Variants in CEP152 observed in about 807,000 individuals in gnomAD.
The protein encoded by CEP152 is centrosomal protein 152.
A neutral mutation model predicts 188.9 loss-of-function variants in CEP152; 132 were observed. The ratio of observed to expected loss-of-function variants is 0.70; its 90% confidence interval spans 0.61 to 0.81. CEP152 has a LOEUF of 0.81. Among genes scored for constraint, CEP152 ranks in the 30% least tolerant of loss-of-function variants. The probability of loss-of-function intolerance (pLI) is 0.00; values close to 1 mark genes in which losing one functional copy is unlikely to be tolerated. For missense variants in CEP152, 1,914 were observed against 1,969.8 expected (o/e 0.97, Z 0.54); for synonymous variants, 649 against 666.6 (o/e 0.97, Z 0.41).
Position 48,782,122 on chromosome 15 carries a change from C to T in CEP152, c.1413+17G>A. The T allele has an allele frequency of 6.2e-7, 1 of 1,608,352 alleles. No individual in the cohort carries two copies. Among genetic ancestry groups the T allele is most frequent in the Non-Finnish European group, 8.5e-7 (1 of 1,175,044 alleles). On this transcript the variant is annotated intron_variant, in intron 11 of 26. Coordinates refer to ENST00000380950, the MANE Select transcript of CEP152 (RefSeq NM_001194998.2). ...ATTCAGATACCCATAGAGCCTCTTC[C>T]AAGTGGCAACACTCACTTGCAAAGC...
intron 12 of CEP152, chr15:48,773,231 C>T (rs749995376): frequency 6.4e-6 from 1 of 155,908 alleles, no homozygotes; most frequent in African/African-American, 2.4e-5. Flanking sequence ...TGCTTCCTTG[C>T]CGTAATGAAT....
chr15:48,748,340 C>T lies in CEP152; in HGVS notation c.3634+103G>A, dbSNP rs1004181342. 6 of 1,302,760 alleles carry T rather than the reference C, an allele frequency of 4.6e-6. No individual in the cohort carries two copies. In the Middle Eastern group the frequency reaches 7.1e-4, roughly 154 times the overall value. The allele number at this position is 1,302,760 out of a possible 1,614,324, so 80.7% of individuals were successfully genotyped here. ...GATCCAAATTAGTTTATATTAATCC[C>T]AAAAGAGGATCAGTGCACACATTAA... On this transcript the variant is annotated intron_variant, in intron 22 of 26. Coordinates refer to ENST00000380950, the MANE Select transcript of CEP152 (RefSeq NM_001194998.2).
chr15:48,776,329 C>T (rs1895900547), intron 12 of CEP152, among the ~76,000 whole-genome samples: 1 of 152,064 alleles, frequency 6.6e-6, no homozygotes, highest in Admixed American at 6.5e-5. Flanking sequence ...AAAACAGTGA[C>T]AGATCTAACT....
In CEP152 at chr15:48,738,301, A is replaced by G; in HGVS notation, c.5081T>C (p.Leu1694Pro). 1 of 1,614,076 alleles carries G rather than the reference A, an allele frequency of 6.2e-7. No individual in the cohort carries two copies. ...AAAGCCACTATCTTGTTGGCTAGAT[A>G]GCGGAACAATTAATTTTCTTGAAGG... ...QQPSRKLIVPLSSQQDSGFDS... is the reference protein window; with the variant it reads ...QQPSRKLIVPPSSQQDSGFDS... Residue 1694 changes from leucine to proline, a missense_variant, in exon 27 of 27, where the codon CTA becomes CCA. By Grantham distance (98) the Leu-to-Pro change is moderately conservative. Transcript: ENST00000380950.
At chr15:48,764,777 C>G (rs1000602937) in intron 17 of CEP152, among the ~76,000 whole-genome samples, 1 of 152,132 alleles carries the variant, frequency 6.6e-6, no homozygotes, top group African/African-American at 2.4e-5. Context: ...CCTGACTCAG[C>G]AAGTGTTTCA....
chr15:48,733,702 A>C (rs1157082979), downstream of CEP152, among the ~76,000 whole-genome samples: 1 of 152,232 alleles, frequency 6.6e-6, no homozygotes, highest in Non-Finnish European at 1.5e-5. Context: ...ACACAAATTC[A>C]GACCTAGACA....
intron 2 of CEP152, among the ~76,000 whole-genome samples, chr15:48,731,123 G>A (rs1250245210): frequency 6.6e-6 from 1 of 152,170 alleles, no homozygotes; most frequent in African/African-American, 2.4e-5. Flanking sequence ...AATAGAAGGG[G>A]GCTGTCAGGG....
chr15:48,750,891 A>T (rs902479870), intron 21 of CEP152, among the ~76,000 whole-genome samples: 2 of 152,210 alleles, frequency 1.3e-5, no homozygotes, highest in African/African-American at 2.4e-5. Flanking sequence ...GAGAGGTTGC[A>T]GGCATAGAAC....
chr15:48,779,956 C>T (rs1170899893), intron 12 of CEP152, among the ~76,000 whole-genome samples: 1 of 152,204 alleles, frequency 6.6e-6, no homozygotes, highest in Non-Finnish European at 1.5e-5. Context: ...ATGTGTAGAG[C>T]TATTTGCTGT....
rs149887404 is a variant in CEP152 at position 48,800,052 on chromosome 15, C to A, written c.88-2001G>T. 2.6e-5 allele frequency among the ~76,000 whole-genome samples: 4 copies of A among 152,274 alleles called. No individual in the cohort carries two copies. In the East Asian group the frequency reaches 7.7e-4, roughly 29 times the overall value. On this transcript the variant is annotated intron_variant, in intron 2 of 26. Coordinates refer to ENST00000380950, the MANE Select transcript of CEP152 (RefSeq NM_001194998.2). The stretch of plus-strand genomic sequence containing the variant: ...CCTTGACAGGGACATCTGAAGAGTA[C>A]ATTGTTTTCCCCGCACAAAAACAAA...
chr15:48,733,489 C>T (rs2140527787), downstream of CEP152, among the ~76,000 whole-genome samples: 1 of 152,046 alleles, frequency 6.6e-6, no homozygotes, highest in African/African-American at 2.4e-5. Flanking sequence ...ATATGAAAAA[C>T]AATAATGATT....
At chr15:48,789,171 G>A (rs1041968509) in intron 8 of CEP152, 170 bp from the exon 9 acceptor site, 5 of 653,786 alleles carry the variant, frequency 7.6e-6, no homozygotes, top group Non-Finnish European at 1.3e-5. Flanking sequence ...AACAACCCTA[G>A]CTGGGACCCT....
intron 3 of CEP152, 66 bp downstream of exon 3, chr15:48,797,882 T>C (rs1193272797): frequency 6.7e-7 from 1 of 1,493,376 alleles, no homozygotes; most frequent in African/African-American, 1.4e-5. Flanking sequence ...TAATTATTAA[T>C]CTTCATCAAA....
intron 6 of CEP152, 62 bp downstream of exon 6, chr15:48,795,948 T>A: frequency 7.2e-7 from 1 of 1,386,840 alleles, no homozygotes; most frequent in Non-Finnish European, 1.0e-6. Flanking sequence ...CAAATATTCA[T>A]TGTGTATTCA....
intron 2 of CEP152, among the ~76,000 whole-genome samples, chr15:48,804,505 C>G (rs1897859706): frequency 6.6e-6 from 1 of 152,142 alleles, no homozygotes; most frequent in South Asian, 2.1e-4. Flanking sequence ...ACAAAAGAAG[C>G]CTTTTATCAC....
intron 21 of CEP152, among the ~76,000 whole-genome samples, chr15:48,750,586 C>T (rs1595604068): frequency 6.6e-6 from 1 of 152,026 alleles, no homozygotes; most frequent in South Asian, 2.1e-4. Flanking sequence ...AAAATTGGAA[C>T]TCGTGCAAAT....
intron 2 of CEP152, among the ~76,000 whole-genome samples, chr15:48,802,102 AAAG>A (rs1301981446): frequency 2.0e-5 from 3 of 152,188 alleles, no homozygotes. Context: ...AAAAAAAAAA[AAAG>A]AACTATATCT....
Position 48,760,218 on chromosome 15 carries a change from G to C in CEP152, c.2611C>G (p.Pro871Ala). 6.2e-7 allele frequency: 1 copy of C among 1,614,010 alleles called. No individual in the cohort carries two copies. The highest frequency in any genetic ancestry group is 8.5e-7 in the Non-Finnish European group (1 of 1,179,964). The change falls in exon 19 of 27, where the codon CCA becomes GCA. Residue 871 changes from proline to alanine, a missense_variant. Physicochemically the swap from Pro to Ala is conservative, Grantham distance 27 (BLOSUM62 -1). Coordinates refer to ENST00000380950, the MANE Select transcript of CEP152 (RefSeq NM_001194998.2). ...NAHQRWLGEL[P>A]ELAEYQALVK... ...AGTGCTTGATACTCTGCCAGCTCTG[G>C]TAGTTCTCCCAGCCATCGCTGATGA...
At chr15:48,733,312 C>T (rs1483725300), downstream of CEP152, among the ~76,000 whole-genome samples, 1 of 152,004 alleles carries the variant, frequency 6.6e-6, no homozygotes, top group Non-Finnish European at 1.5e-5. Context: ...ATATGTCTAT[C>T]CCCAAAATAT....
Sources: allele counts gnomAD v4.1 joint callset (sites outside exome capture counted in the v4.1 genomes callset), GRCh38; gene constraint gnomAD v4.1.1; transcripts MANE v1.5; gene names NCBI Gene and HGNC (gene_info 2026-07-23, HGNC 2026-07-21).